The following PCDH11X variants were observed in gnomAD, a reference collection of about 807,000 sequenced individuals.
The protein encoded by PCDH11X is protocadherin-11 X-linked.
Under a neutral mutation model 53.3 loss-of-function variants are expected in PCDH11X, and 18 were observed. That is an observed-to-expected ratio of 0.34 (90% CI 0.23 to 0.50). The LOEUF is 0.50. Among genes scored for constraint, PCDH11X ranks in the 20% least tolerant of loss-of-function variants. The pLI, the probability that PCDH11X is intolerant of heterozygous loss-of-function variation, is 0.98. For synonymous variants in PCDH11X, 279 were observed against 393.3 expected (o/e 0.71, Z 3.44); for missense variants, 570 against 1,032.4 (o/e 0.55, Z 6.14).
intron 10 of PCDH11X, among the ~76,000 whole-genome samples, chrX:92,510,764 A>G (rs2074147823): frequency 9.0e-6 from 1 of 111,411 alleles, no homozygotes; most frequent in Non-Finnish European, 1.9e-5. Context: ...CGATTAGATT[A>G]TTAAAAAATT....
chrX:92,045,310 A>T (rs2063270164), intron 6 of PCDH11X, among the ~76,000 whole-genome samples: 1 of 100,759 alleles, frequency 9.9e-6, no homozygotes, highest in East Asian at 3.4e-4. Flanking sequence ...CAGAATGAAG[A>T]TAAAGTCTGG....
At chrX:92,505,165 TTG>T (rs2074032028) in intron 10 of PCDH11X, among the ~76,000 whole-genome samples, 1 of 56,134 alleles carries the variant, frequency 1.8e-5, no homozygotes, top group African/African-American at 4.9e-5. Context: ...TTTTTTTTTT[TTG>T]TTTTTTTTTG....
intron 8 of PCDH11X, among the ~76,000 whole-genome samples, chrX:92,349,719 A>G (rs1253303523): frequency 9.0e-6 from 1 of 111,519 alleles, no homozygotes; most frequent in Non-Finnish European, 1.9e-5. Flanking sequence ...TACTTCGAGT[A>G]TGCATACAGT....
At chrX:92,362,118 A>G (rs956691862) in intron 8 of PCDH11X, among the ~76,000 whole-genome samples, 4 of 109,111 alleles carry the variant, frequency 3.7e-5, no homozygotes, top group African/African-American at 1.3e-4. Context: ...AGTACACTTG[A>G]ATCTTAGAGA....
In PCDH11X at chrX:92,163,622, C is replaced by T. The variant is rs2065680998; in HGVS notation, c.3034-37753C>T. The stretch of plus-strand genomic sequence containing the variant: ...AGACCCTCAGGTTCCCCAGTGAGGG[C>T]GTGTGTTTGGGGGCAGACAGTCCCC... On this transcript the variant is annotated intron_variant, in intron 6 of 10. Coordinates refer to ENST00000682573, the MANE Select transcript of PCDH11X (RefSeq NM_032968.5). Among the ~76,000 whole-genome samples the T allele has an allele frequency of 6.3e-5, 7 of 111,584 alleles. No homozygotes were observed. The South Asian group carries it at 2.3e-3, about 37-fold the overall frequency.
chrX:91,934,593 G>A (rs1332211161), intron 6 of PCDH11X, among the ~76,000 whole-genome samples: 3 of 107,394 alleles, frequency 2.8e-5, no homozygotes, highest in African/African-American at 1.0e-4. Context: ...AACTGACTAG[G>A]GGCACCTTAT....
At chrX:92,222,883 C>T (rs73630161) in intron 7 of PCDH11X, among the ~76,000 whole-genome samples, 8,836 of 111,847 alleles carry the variant, frequency 0.079, 580 homozygotes, top group East Asian at 0.43. Context: ...CAAGTTTTTC[C>T]GTCACCCGTT....
chrX:91,939,495 G>T (rs1210679885), intron 6 of PCDH11X, among the ~76,000 whole-genome samples: 1 of 109,293 alleles, frequency 9.1e-6, no homozygotes, highest in Non-Finnish European at 1.9e-5. Context: ...AAGTCAAGAA[G>T]GTTAATGAAT....
chrX:92,281,860 C>G (rs191239374), intron 8 of PCDH11X, among the ~76,000 whole-genome samples: 1 of 111,705 alleles, frequency 9.0e-6, no homozygotes, highest in African/African-American at 3.2e-5. Flanking sequence ...AAAATTCTTT[C>G]ATTCAACAAA....
intron 6 of PCDH11X, among the ~76,000 whole-genome samples, chrX:92,149,499 A>G (rs1422765461): frequency 3.7e-5 from 4 of 108,110 alleles, no homozygotes; most frequent in Non-Finnish European, 7.6e-5. Flanking sequence ...ATATATATAT[A>G]TATGTATGTA....
chrX:92,186,154 A>T (rs953810203), intron 6 of PCDH11X, among the ~76,000 whole-genome samples: 1 of 112,120 alleles, frequency 8.9e-6, no homozygotes, highest in African/African-American at 3.2e-5. Context: ...GTATATATAC[A>T]GAATTGAATA....
At chrX:92,026,419 A>T (rs975427658) in intron 6 of PCDH11X, among the ~76,000 whole-genome samples, 1 of 109,958 alleles carries the variant, frequency 9.1e-6, no homozygotes. Flanking sequence ...TTTACAGAAA[A>T]AAAAAAGCCA....
intron 8 of PCDH11X, among the ~76,000 whole-genome samples, chrX:92,277,884 G>C (rs944848843): frequency 9.0e-6 from 1 of 111,223 alleles, no homozygotes; most frequent in Admixed American, 9.5e-5. Context: ...TGGGGTACTT[G>C]CCCCTTCCCC....
At chrX:92,612,330 C>A (rs1281363928) in intron 10 of PCDH11X, among the ~76,000 whole-genome samples, 1 of 108,398 alleles carries the variant, frequency 9.2e-6, no homozygotes, top group Non-Finnish European at 1.9e-5. Flanking sequence ...CAATCTTGGG[C>A]GATTGTGTGC....
chrX:92,428,614 CT>C (rs2072180059), intron 9 of PCDH11X, among the ~76,000 whole-genome samples: 1 of 111,130 alleles, frequency 9.0e-6, no homozygotes, highest in Non-Finnish European at 1.9e-5. Context: ...CTTTTTCTTT[CT>C]TTCTTTCTTT....
chrX:92,429,432 T>C (rs1263472245), intron 9 of PCDH11X, among the ~76,000 whole-genome samples: 3 of 109,923 alleles, frequency 2.7e-5, no homozygotes, highest in Non-Finnish European at 5.7e-5. Context: ...GTATCTGCCA[T>C]ACATACCCTT....
chrX:92,515,794 A>G (rs2074260071), intron 10 of PCDH11X, among the ~76,000 whole-genome samples: 2 of 110,603 alleles, frequency 1.8e-5, no homozygotes, highest in South Asian at 3.8e-4. Context: ...GTACAATAGC[A>G]ATAATAATAA....
intron 6 of PCDH11X, among the ~76,000 whole-genome samples, chrX:92,150,344 G>A (rs1434264985): frequency 9.1e-6 from 1 of 109,874 alleles, no homozygotes; most frequent in Non-Finnish European, 1.9e-5. Context: ...TTTTCTTAAT[G>A]ACTGCAGATG....
At chrX:92,465,810 T>C (rs1301347756) in intron 9 of PCDH11X, among the ~76,000 whole-genome samples, 10 of 111,112 alleles carry the variant, frequency 9.0e-5, no homozygotes, top group Non-Finnish European at 1.5e-4. Context: ...TTCTTTAAAA[T>C]GTATGTTTTC....
Sources: allele counts gnomAD v4.1 joint callset (sites outside exome capture counted in the v4.1 genomes callset), GRCh38; gene constraint gnomAD v4.1.1; transcripts MANE v1.5; gene names NCBI Gene and HGNC (gene_info 2026-07-23, HGNC 2026-07-21).